QTMAN: variants seen among roughly 807,000 people sequenced by gnomAD.
QTMAN encodes the protein queuosine-tRNA mannosyltransferase, also known as tRNA-queuosine alpha-mannosyltransferase.
chr2:144,061,283 G>A, the QTMAN span, among the ~76,000 whole-genome samples: 1 of 152,136 alleles, frequency 6.6e-6, no homozygotes, highest in Admixed American at 6.5e-5. Flanking sequence ...TAAGGAATAA[G>A]ATTTCCATCA....
At chr2:143,974,213 A>G in the QTMAN span, among the ~76,000 whole-genome samples, 4 of 152,216 alleles carry the variant, frequency 2.6e-5, no homozygotes, top group African/African-American at 9.7e-5. Flanking sequence ...ATGGGCTCCT[A>G]AACACTCTTA....
At chr2:144,076,947 G>A in the QTMAN span, among the ~76,000 whole-genome samples, 3 of 149,176 alleles carry the variant, frequency 2.0e-5, no homozygotes, top group African/African-American at 7.4e-5. Flanking sequence ...GGTGAGACTC[G>A]GTCTATTAAA....
the QTMAN span, among the ~76,000 whole-genome samples, chr2:144,273,433 A>T: frequency 1.3e-5 from 2 of 152,170 alleles, no homozygotes; most frequent in African/African-American, 4.8e-5. Flanking sequence ...TTGTGACGGC[A>T]ACAAATAAAA....
the QTMAN span, among the ~76,000 whole-genome samples, chr2:144,216,711 G>GT: frequency 6.6e-6 from 1 of 152,114 alleles, no homozygotes; most frequent in Non-Finnish European, 1.5e-5. Context: ...TACAAGAGAA[G>GT]TAACACCGAT....
chr2:144,059,554 G>A, the QTMAN span, among the ~76,000 whole-genome samples: 1 of 152,128 alleles, frequency 6.6e-6, no homozygotes, highest in African/African-American at 2.4e-5. Context: ...AGAAATGAGG[G>A]ATTTGGATTT....
the QTMAN span, among the ~76,000 whole-genome samples, chr2:144,183,652 G>A: frequency 6.6e-6 from 1 of 152,082 alleles, no homozygotes; most frequent in Admixed American, 6.5e-5. Flanking sequence ...TTTTTTAAGA[G>A]CAACATATAC....
At chr2:144,215,180 TAC>T in the QTMAN span, among the ~76,000 whole-genome samples, 1 of 151,830 alleles carries the variant, frequency 6.6e-6, no homozygotes, top group Non-Finnish European at 1.5e-5. Flanking sequence ...AGTTTGAAGT[TAC>T]AGTGAGCCAT....
the QTMAN span, among the ~76,000 whole-genome samples, chr2:144,256,887 C>A: frequency 6.6e-6 from 1 of 151,846 alleles, no homozygotes; most frequent in African/African-American, 2.4e-5. Context: ...AAAAAAAAAT[C>A]TCTTTAAAAG....
At chr2:143,953,152 T>G in the QTMAN span, among the ~76,000 whole-genome samples, 1 of 151,850 alleles carries the variant, frequency 6.6e-6, no homozygotes, top group Admixed American at 6.6e-5. Flanking sequence ...GATAAACACA[T>G]GTAACAACAT....
chr2:144,325,173 T>A, the QTMAN span, among the ~76,000 whole-genome samples: 5 of 152,248 alleles, frequency 3.3e-5, no homozygotes, highest in African/African-American at 4.8e-5. Flanking sequence ...ATATCTTTTA[T>A]AACCTGCTGT....
the QTMAN span, among the ~76,000 whole-genome samples, chr2:144,190,966 C>T: frequency 2.0e-5 from 3 of 152,230 alleles, no homozygotes; most frequent in African/African-American, 7.2e-5. Context: ...AAAATCCTTA[C>T]ATTTCCAGAA....
At chr2:144,108,343 T>C in the QTMAN span, among the ~76,000 whole-genome samples, 2 of 152,160 alleles carry the variant, frequency 1.3e-5, no homozygotes, top group Non-Finnish European at 2.9e-5. Flanking sequence ...CATGATTGTA[T>C]ATTTAGAAAA....
chr2:144,254,010 C>T, the QTMAN span, among the ~76,000 whole-genome samples: 380 of 152,358 alleles, frequency 2.5e-3, 1 homozygote, highest in Admixed American at 4.1e-3. Flanking sequence ...GTCCCAGCTG[C>T]TCCAGCCATG....
At chr2:144,139,842 A>C in the QTMAN span, among the ~76,000 whole-genome samples, 2 of 152,044 alleles carry the variant, frequency 1.3e-5, no homozygotes, top group Non-Finnish European at 2.9e-5. Flanking sequence ...TATCCATTAT[A>C]TTATATAGCG....
chr2:143,982,075 A>G, the QTMAN span, among the ~76,000 whole-genome samples: 92,147 of 152,018 alleles, frequency 0.61, 29,207 homozygotes, highest in African/African-American at 0.77. Context: ...AAGAATAAGG[A>G]ATTCTGAATA....
the QTMAN span, among the ~76,000 whole-genome samples, chr2:144,095,061 G>A: frequency 2.0e-4 from 30 of 152,174 alleles, no homozygotes; most frequent in African/African-American, 6.5e-4. Flanking sequence ...ACTCCCAAAA[G>A]TTAAACTCCT....
the QTMAN span, among the ~76,000 whole-genome samples, chr2:144,330,503 G>A: frequency 6.6e-6 from 1 of 152,240 alleles, no homozygotes; most frequent in African/African-American, 2.4e-5. Flanking sequence ...AGTGACGTAG[G>A]CTATCCGAAT....
At chr2:144,108,847 A>G in the QTMAN span, among the ~76,000 whole-genome samples, 13 of 152,148 alleles carry the variant, frequency 8.5e-5, 1 homozygote, top group Non-Finnish European at 1.8e-4. Flanking sequence ...TAGGAATCCA[A>G]CTTACAAGGG....
chr2:144,200,099 C>T, the QTMAN span, among the ~76,000 whole-genome samples: 11 of 152,002 alleles, frequency 7.2e-5, no homozygotes, highest in African/African-American at 2.7e-4. Context: ...AAGCCAGGGG[C>T]TACAAACACA....
Sources: allele counts gnomAD v4.1 joint callset (sites outside exome capture counted in the v4.1 genomes callset), GRCh38; gene constraint gnomAD v4.1.1; transcripts MANE v1.5; gene names NCBI Gene and HGNC (gene_info 2026-07-23, HGNC 2026-07-21).